ATG4A: variants seen among roughly 807,000 people sequenced by gnomAD.
ATG4A encodes cysteine protease ATG4A.
A neutral mutation model predicts 38.4 loss-of-function variants in ATG4A; 22 were observed. The ratio of observed to expected loss-of-function variants is 0.57; its 90% CI spans 0.41 to 0.82. The LOEUF (loss-of-function observed/expected upper bound fraction) is 0.82. Ranked by LOEUF, ATG4A falls within the 40% of genes least tolerant of loss-of-function variation. The probability of loss-of-function intolerance (pLI) is 0.00; values close to 1 mark genes in which losing one functional copy is unlikely to be tolerated. For missense variants in ATG4A, 220 were observed against 290.0 expected (o/e 0.76, Z 1.75); for synonymous variants, 86 against 100.7 (o/e 0.85, Z 0.88).
intron 4 of ATG4A, 65 bp from the exon 5 acceptor site, chrX:108,133,992 T>C: frequency 1.1e-6 from 1 of 895,365 alleles, no homozygotes; most frequent in Non-Finnish European, 1.5e-6. Context: ...GTAGTTACAA[T>C]AAAAGTGCAG....
At chrX:108,108,576 A>G (rs1472926296) in intron 1 of ATG4A, among the ~76,000 whole-genome samples, 2 of 111,011 alleles carry the variant, frequency 1.8e-5, no homozygotes, top group Non-Finnish European at 3.8e-5. Context: ...TCACTGGTAT[A>G]CTTCTTTATT....
intron 1 of ATG4A, among the ~76,000 whole-genome samples, chrX:108,101,279 T>C (rs2032004322): frequency 9.1e-6 from 1 of 110,294 alleles, no homozygotes; most frequent in Non-Finnish European, 1.9e-5. Flanking sequence ...TTGTGGCCTA[T>C]CTTTTTTATT....
chrX:108,092,861 G>C (rs1455070960), intron 1 of ATG4A, among the ~76,000 whole-genome samples: 1 of 111,789 alleles, frequency 8.9e-6, no homozygotes, highest in Non-Finnish European at 1.9e-5. Flanking sequence ...ATGCTGATCT[G>C]TTAGGAAATT....
At chrX:108,094,107 A>G (rs1247795749) in intron 1 of ATG4A, among the ~76,000 whole-genome samples, 1 of 111,080 alleles carries the variant, frequency 9.0e-6, no homozygotes, top group Non-Finnish European at 1.9e-5. Flanking sequence ...TTCATGGACC[A>G]TTCTTTTGGT....
At chrX:108,144,229 G>A (rs1331518287) in intron 9 of ATG4A, among the ~76,000 whole-genome samples, 1 of 112,882 alleles carries the variant, frequency 8.9e-6, no homozygotes, top group African/African-American at 3.2e-5. Context: ...CATGAAGGTG[G>A]ATAAGGCATT....
intron 6 of ATG4A, among the ~76,000 whole-genome samples, chrX:108,136,421 G>A (rs2033108672): frequency 9.0e-6 from 1 of 111,201 alleles, no homozygotes; most frequent in African/African-American, 3.3e-5. Flanking sequence ...CTTTTAAAGG[G>A]GTTTTCTTTC....
chrX:108,128,886 C>T, intron 3 of ATG4A, 34 bp downstream of exon 3: 1 of 1,011,592 alleles, frequency 9.9e-7, no homozygotes, highest in Admixed American at 2.8e-5. Flanking sequence ...GTGCTTTATT[C>T]CTTGTGGATA....
At chrX:108,144,746 C>G (rs1376735721) in intron 9 of ATG4A, among the ~76,000 whole-genome samples, 1 of 112,495 alleles carries the variant, frequency 8.9e-6, no homozygotes, top group African/African-American at 3.2e-5. Flanking sequence ...CATCCACATA[C>G]CTCTTCCCCA....
rs185135866 is a variant in ATG4A, at chrX:108,148,531, C to G, written c.815-1621C>G. Among the ~76,000 whole-genome samples, 114 of 108,555 alleles carry G rather than the reference C, an allele frequency of 1.1e-3. 1 individual carries two copies. The Admixed American group carries it at 0.011, about 10-fold the overall frequency. The allele number at this position is 108,555 out of a possible 115,157, so 94.3% of individuals were successfully genotyped here. A position where few individuals can be genotyped will look rare whatever the true frequency, so the allele number is the denominator to read the frequency against. ...CTCCATGCACATACACACACACACA[C>G]ACACACACACACACACCACCCATGG... On this transcript the variant is annotated intron_variant, in intron 9 of 12. Coordinates refer to ENST00000372232, the MANE Select transcript of ATG4A (RefSeq NM_052936.5).
At chrX:108,127,716 G>T (rs777907945) in intron 2 of ATG4A, among the ~76,000 whole-genome samples, 6 of 112,316 alleles carry the variant, frequency 5.3e-5, no homozygotes, top group Non-Finnish European at 1.1e-4. Flanking sequence ...ACAGAAAATA[G>T]AAACTATTGG....
At chrX:108,152,118 C>T in intron 11 of ATG4A, 1 of 261,752 alleles carries the variant, frequency 3.8e-6, no homozygotes, top group Non-Finnish European at 6.8e-6. Flanking sequence ...TGTTTTATCT[C>T]ATTAATAGAC....
At chrX:108,118,067 A>G (rs1220824386) in intron 1 of ATG4A, among the ~76,000 whole-genome samples, 2 of 112,633 alleles carry the variant, frequency 1.8e-5, no homozygotes, top group African/African-American at 6.4e-5. Context: ...ACAGTATGTG[A>G]ATTATATTGT....
At chrX:108,111,714 A>G (rs2032358883) in intron 1 of ATG4A, among the ~76,000 whole-genome samples, 1 of 112,131 alleles carries the variant, frequency 8.9e-6, no homozygotes, top group African/African-American at 3.2e-5. Context: ...GTGTCTCACC[A>G]AGTAGAGTAA....
Position 108,150,266 on chromosome X carries a change from A to C in ATG4A, c.929A>C (p.Asn310Thr), listed in dbSNP as rs749129261. ...FHCLQSPQRMNILNLDPSVAL... is the reference protein window; with the variant it reads ...FHCLQSPQRMTILNLDPSVAL... ...TGCCTGCAGTCCCCACAGCGAATGA[A>C]CATCCTAAACCTGGATCCTTCAGTT... is the stretch of plus-strand genomic sequence containing the variant. Residue 310 changes from asparagine to threonine, a missense_variant, in exon 10 of 13, where the codon AAC (asparagine) becomes ACC (threonine). Physicochemically the swap from Asn to Thr is moderately conservative, Grantham distance 65. Coordinates refer to ENST00000372232, the MANE Select transcript of ATG4A (RefSeq NM_052936.5). 3.6e-5 allele frequency: 43 copies of C among 1,210,774 alleles called. No individual in the cohort carries two copies. Among genetic ancestry groups the C allele is most frequent in the Non-Finnish European group, 4.7e-5 (42 of 895,402 alleles).
At chrX:108,097,306 A>T (rs1045669117) in intron 1 of ATG4A, among the ~76,000 whole-genome samples, 1 of 112,228 alleles carries the variant, frequency 8.9e-6, no homozygotes, top group African/African-American at 3.2e-5. Flanking sequence ...TGTGTAAATG[A>T]TAATCCTAAA....
chrX:108,091,469 T>C (rs1208328323), upstream of ATG4A: 1 of 1,212,258 alleles, frequency 8.2e-7, no homozygotes, highest in Non-Finnish European at 1.1e-6. Context: ...TCTTCCAGCT[T>C]CCCGCTGTAG....
chrX:108,143,710 G>T, intron 9 of ATG4A: 1 of 250,405 alleles, frequency 4.0e-6, no homozygotes, highest in South Asian at 4.1e-5. Flanking sequence ...AAGAACTCTA[G>T]GCCAGCAGAA....
At chrX:108,095,064 C>T (rs185792247) in intron 1 of ATG4A, among the ~76,000 whole-genome samples, 1 of 110,777 alleles carries the variant, frequency 9.0e-6, no homozygotes, top group Non-Finnish European at 1.9e-5. Flanking sequence ...AAGCGATTCT[C>T]CTGCCTCAGC....
rs1467056656 is a variant in ATG4A at position 108,123,584 on chromosome X, T to G, written c.11-2493T>G. Among the ~76,000 whole-genome samples the G allele has an allele frequency of 2.7e-5, 3 of 111,990 alleles. No homozygotes were observed. The Admixed American group carries it at 2.8e-4, about 11-fold the overall frequency. ...TCTGTTCTTTCATTTGTTCTATACA[T>G]GTAGCCTCGATTCAAGGATGGCTGT... On this transcript the variant is annotated intron_variant, in intron 1 of 12. Transcript: ENST00000372232.
Sources: gnomAD v4.1 joint callset for allele counts (sites outside exome capture counted in the v4.1 genomes callset) on GRCh38, gnomAD v4.1.1 for gene constraint, MANE v1.5 for transcripts, NCBI Gene and HGNC (gene_info 2026-07-23, HGNC 2026-07-21) for gene names.